Variants in GPR143 observed in about 807,000 individuals in gnomAD.
The protein encoded by GPR143 is G protein-coupled receptor 143.
In GPR143, 8 loss-of-function variants were observed where a neutral mutation model predicts 27.6. That is an observed-to-expected ratio of 0.29 (90% confidence interval 0.17 to 0.52). The LOEUF (loss-of-function observed/expected upper bound fraction) is 0.52. Among genes scored for constraint, GPR143 ranks in the 20% least tolerant of loss-of-function variants. The probability of loss-of-function intolerance (pLI) is 0.96; values close to 1 mark genes in which losing one functional copy is unlikely to be tolerated. For synonymous variants in GPR143, 156 were observed against 153.2 expected, an observed-to-expected ratio of 1.02 and a Z score of -0.13; for missense variants, 303 against 343.1, an observed-to-expected ratio of 0.88 and a Z score of 0.92.
rs774294842 is a variant in GPR143, at chrX:9,746,021, C to G, written c.658+23G>C. 16 of 984,321 alleles carry G rather than the reference C, an allele frequency of 1.6e-5. No individual in the cohort carries two copies. The African/African-American group carries it at 2.6e-4, about 16-fold the overall frequency. 81.1% of individuals were successfully genotyped at this position (984,321 alleles called of 1,213,427 possible). On this transcript the variant is annotated intron_variant, in intron 5 of 8. Coordinates refer to ENST00000467482, the MANE Select transcript of GPR143 (RefSeq NM_000273.3). The stretch of plus-strand genomic sequence containing the variant: ...GGGCCGCTCCCAGTGGCCGTGTACC[C>G]AGAGAGCTTCCCTAGTATTTACCTG...
intron 6 of GPR143, among the ~76,000 whole-genome samples, chrX:9,742,109 C>T (rs1475632983): frequency 9.0e-6 from 1 of 111,696 alleles, no homozygotes; most frequent in East Asian, 2.8e-4. Flanking sequence ...TCATGGAGAT[C>T]AAAACAATTT....
At chrX:9,737,709 AT>A (rs1224536138) in intron 8 of GPR143, among the ~76,000 whole-genome samples, 3 of 111,730 alleles carry the variant, frequency 2.7e-5, no homozygotes, top group Non-Finnish European at 3.8e-5. Context: ...TATATCTGAA[AT>A]TTTTTAAAAA....
chrX:9,756,741 C>T (rs751417555), intron 3 of GPR143, among the ~76,000 whole-genome samples: 3 of 112,312 alleles, frequency 2.7e-5, no homozygotes, highest in Non-Finnish European at 5.6e-5. Flanking sequence ...CAAGTATTGA[C>T]AAGGATGTGG....
At chrX:9,753,250 C>A (rs1479552917) in intron 3 of GPR143, among the ~76,000 whole-genome samples, 1 of 105,192 alleles carries the variant, frequency 9.5e-6, no homozygotes, top group Non-Finnish European at 2.0e-5. Context: ...CCCAGCTACT[C>A]AGGAGACTGA....
At chrX:9,741,713 T>C (rs2083405200) in intron 6 of GPR143, among the ~76,000 whole-genome samples, 1 of 110,030 alleles carries the variant, frequency 9.1e-6, no homozygotes, top group Admixed American at 9.7e-5. Context: ...ACAGTGAAAT[T>C]TGTCTCTACT....
At chrX:9,770,395 T>C (rs1274386805), upstream of GPR143, among the ~76,000 whole-genome samples, 6 of 108,042 alleles carry the variant, frequency 5.6e-5, no homozygotes, top group Non-Finnish European at 9.6e-5. Flanking sequence ...GGTATGGCTG[T>C]GTGCCAATAA....
At chrX:9,767,403 T>C (rs147817261), upstream of GPR143, among the ~76,000 whole-genome samples, 557 of 110,969 alleles carry the variant, frequency 5.0e-3, 6 homozygotes, top group African/African-American at 0.017. Context: ...GGTGTCCCCA[T>C]TGTGTTCATG....
upstream of GPR143, chrX:9,765,872 G>C: frequency 3.0e-6 from 3 of 1,006,649 alleles, no homozygotes; most frequent in Non-Finnish European, 3.8e-6. Flanking sequence ...GGCCTGCCTG[G>C]GTCATGTGCT....
intron 4 of GPR143, among the ~76,000 whole-genome samples, chrX:9,747,078 A>G (rs899999416): frequency 2.8e-5 from 3 of 106,784 alleles, no homozygotes; most frequent in African/African-American, 1.0e-4. Flanking sequence ...CTCTTGCCAT[A>G]GGAAGAATTA....
At chrX:9,731,893 G>C (rs985916605) in intron 8 of GPR143, among the ~76,000 whole-genome samples, 10 of 110,098 alleles carry the variant, frequency 9.1e-5, no homozygotes, top group Non-Finnish European at 1.9e-4. Context: ...GAGAGTTATG[G>C]GAAAGTGATG....
chrX:9,740,075 A>G (rs1270284831), intron 7 of GPR143, among the ~76,000 whole-genome samples: 1 of 110,820 alleles, frequency 9.0e-6, no homozygotes, highest in Non-Finnish European at 1.9e-5. Flanking sequence ...GGGGAGGAGA[A>G]GAGGGCAGCA....
At chrX:9,749,871 C>A (rs191674775) in intron 3 of GPR143, among the ~76,000 whole-genome samples, 1 of 112,539 alleles carries the variant, frequency 8.9e-6, no homozygotes, top group East Asian at 2.8e-4. Flanking sequence ...CTCAAGCAAT[C>A]CTCCCACCTC....
chrX:9,743,434 C>T (rs1467799521), intron 6 of GPR143, 131 bp downstream of exon 6: 2 of 504,638 alleles, frequency 4.0e-6, no homozygotes, highest in Non-Finnish European at 7.1e-6. Flanking sequence ...GGGCACCTAG[C>T]ACAGTCTCAA....
chrX:9,748,187 T>C (rs1159606211), intron 4 of GPR143: 7 of 246,516 alleles, frequency 2.8e-5, no homozygotes, highest in Non-Finnish European at 5.2e-5. Context: ...ATTCCTAGAA[T>C]GTTAAGCTCA....
At chrX:9,760,601 C>T in intron 2 of GPR143, 116 bp downstream of exon 2, 2 of 498,911 alleles carry the variant, frequency 4.0e-6, no homozygotes, top group Non-Finnish European at 3.7e-6. Flanking sequence ...TCCTGATCAG[C>T]AGGATGGGGC....
chrX:9,769,197 T>C (rs1208845401), upstream of GPR143, among the ~76,000 whole-genome samples: 1 of 111,785 alleles, frequency 8.9e-6, no homozygotes, highest in Non-Finnish European at 1.9e-5. Flanking sequence ...TTCCTCCGTT[T>C]TTCCCTCCTT....
At chrX:9,762,542 AAC>A (rs1401731061) in intron 1 of GPR143, among the ~76,000 whole-genome samples, 1 of 111,991 alleles carries the variant, frequency 8.9e-6, no homozygotes, top group African/African-American at 3.2e-5. Flanking sequence ...TATAATATGC[AAC>A]ACACACCATG....
upstream of GPR143, among the ~76,000 whole-genome samples, chrX:9,769,193 C>T (rs774659962): frequency 1.8e-5 from 2 of 111,772 alleles, no homozygotes; most frequent in South Asian, 7.6e-4. Context: ...ACCCTTCCTC[C>T]GTTTTTCCCT....
chrX:9,739,405 G>T, intron 8 of GPR143, 80 bp downstream of exon 8: 1 of 683,450 alleles, frequency 1.5e-6, no homozygotes, highest in Non-Finnish European at 2.3e-6. Flanking sequence ...GACAGCCCCC[G>T]GGACAAAGAA....
Sources: allele counts gnomAD v4.1 joint callset (sites outside exome capture counted in the v4.1 genomes callset), GRCh38; gene constraint gnomAD v4.1.1; transcripts MANE v1.5; gene names NCBI Gene and HGNC (gene_info 2026-07-23, HGNC 2026-07-21).